MBTPS1: variants seen among roughly 807,000 people sequenced by gnomAD.
MBTPS1 encodes membrane-bound transcription factor site-1 protease.
In MBTPS1, 94 loss-of-function variants were observed where a neutral mutation model predicts 127.8. That is an observed-to-expected ratio of 0.74 (90% CI 0.62 to 0.87). MBTPS1 has a LOEUF of 0.87. Ranked by LOEUF, MBTPS1 falls within the 40% of genes least tolerant of loss-of-function variation. The pLI, the probability that MBTPS1 is intolerant of heterozygous loss-of-function variation, is 0.00. For missense variants in MBTPS1, 1,636 were observed against 1,353.2 expected, an observed-to-expected ratio of 1.21 and a Z score of -3.28; for synonymous variants, 632 against 509.4, an observed-to-expected ratio of 1.24 and a Z score of -3.24.
intron 1 of MBTPS1, among the ~76,000 whole-genome samples, chr16:84,114,057 G>A (rs2086435539): frequency 1.3e-5 from 2 of 150,590 alleles, no homozygotes; most frequent in Non-Finnish European, 3.0e-5. Flanking sequence ...CTCTGCCTCC[G>A]GGGTTCAAGC....
At chr16:84,084,387 T>A (rs1294812669) in intron 10 of MBTPS1, among the ~76,000 whole-genome samples, 1 of 152,192 alleles carries the variant, frequency 6.6e-6, no homozygotes, top group Non-Finnish European at 1.5e-5. Context: ...GGCTCTGACA[T>A]CCTTTGCTAT....
chr16:84,059,249 C>G, intron 21 of MBTPS1, 53 bp downstream of exon 21: 1 of 1,566,574 alleles, frequency 6.4e-7, no homozygotes, highest in Non-Finnish European at 8.7e-7. Flanking sequence ...ATAAGAAAAG[C>G]AATGACTCAC....
At chr16:84,066,639 G>A in intron 16 of MBTPS1, 26 bp from the exon 17 acceptor site, 2 of 1,612,270 alleles carry the variant, frequency 1.2e-6, no homozygotes, top group Non-Finnish European at 1.7e-6. Flanking sequence ...CAGACACACA[G>A]GGAACAGGGA....
chr16:84,070,181 T>C, intron 13 of MBTPS1, 143 bp from the exon 14 acceptor site: 1 of 710,754 alleles, frequency 1.4e-6, no homozygotes, highest in East Asian at 2.7e-5. Context: ...GATGAAAGAT[T>C]CATGTATCAT....
At position 84,095,660 on chromosome 16, in the gene MBTPS1, G is replaced by A; in HGVS notation, c.567C>T (p.Ile189=). The part of the protein sequence containing the change: ...RHSSRRLLRA[I]PRQVAQTLQA... ...GCAGTGTCTGGGCAACCTGGCGCGG[G>A]ATGGCTCTCAGCAGCCGTCTGCTCG... Residue 189 remains isoleucine, a synonymous_variant, in exon 4 of 23, where the codon ATC becomes ATT. Coordinates refer to ENST00000343411, the MANE Select transcript of MBTPS1 (RefSeq NM_003791.4). The A allele has an allele frequency of 6.2e-7, 1 of 1,614,236 alleles. No individual in the cohort carries two copies. Among genetic ancestry groups the A allele is most frequent in the Non-Finnish European group, 8.5e-7 (1 of 1,180,042 alleles).
intron 11 of MBTPS1, 137 bp downstream of exon 11, chr16:84,081,610 A>G (rs944211990): frequency 3.2e-6 from 2 of 631,706 alleles, no homozygotes; most frequent in Non-Finnish European, 2.4e-6. Flanking sequence ...AGCAGCAGCA[A>G]AACCTCTCCA....
intron 18 of MBTPS1, among the ~76,000 whole-genome samples, chr16:84,064,453 T>A (rs572991421): frequency 1.8e-4 from 28 of 152,280 alleles, no homozygotes; most frequent in Non-Finnish European, 3.5e-4. Context: ...AATTCTTATT[T>A]TGTACCCAAA....
chr16:84,091,671 A>T (rs1026634958), intron 7 of MBTPS1, 61 bp downstream of exon 7: 1 of 1,131,192 alleles, frequency 8.8e-7, no homozygotes, highest in African/African-American at 1.5e-5. Flanking sequence ...TATGATGCAA[A>T]GTTGGGCTGC....
At chr16:84,093,335 T>G (rs1281251282) in intron 5 of MBTPS1, 38 bp from the exon 6 acceptor site, 3 of 1,349,360 alleles carry the variant, frequency 2.2e-6, no homozygotes, top group Admixed American at 3.4e-5. Flanking sequence ...TAAAACACAC[T>G]GAATAGCAAG....
intron 8 of MBTPS1, among the ~76,000 whole-genome samples, chr16:84,089,899 G>T (rs1041716169): frequency 6.6e-6 from 1 of 152,204 alleles, no homozygotes; most frequent in Non-Finnish European, 1.5e-5. Flanking sequence ...AACACCTGAC[G>T]AGATGACTTA....
At chr16:84,112,648 C>A (rs886649930) in intron 1 of MBTPS1, among the ~76,000 whole-genome samples, 10 of 133,240 alleles carry the variant, frequency 7.5e-5, no homozygotes, top group Non-Finnish European at 1.2e-4. Context: ...GGCAACAGAG[C>A]GAGACTCGGT....
At chr16:84,069,655 A>C (rs1404694208) in intron 14 of MBTPS1, among the ~76,000 whole-genome samples, 1 of 152,224 alleles carries the variant, frequency 6.6e-6, no homozygotes, top group African/African-American at 2.4e-5. Flanking sequence ...AGAGAACTTC[A>C]AGCTTTTTAC....
chr16:84,105,849 G>A (rs2086316555), intron 1 of MBTPS1, among the ~76,000 whole-genome samples: 1 of 152,106 alleles, frequency 6.6e-6, no homozygotes, highest in Non-Finnish European at 1.5e-5. Flanking sequence ...TAAAAGCCAG[G>A]CACTGTTCTA....
In MBTPS1 at chr16:84,085,256, G is replaced by A. The variant is rs542735841; in HGVS notation, c.1135-122C>T. ...GTTAAAAACTGTATAACCTTAGGAAGGTACTGGTTTTAGTCTGAAATTCAC... is the reference window on the plus strand; with the variant it reads ...GTTAAAAACTGTATAACCTTAGGAAAGTACTGGTTTTAGTCTGAAATTCAC... On this transcript the variant is annotated intron_variant, in intron 9 of 22. Coordinates refer to ENST00000343411, the MANE Select transcript of MBTPS1 (RefSeq NM_003791.4). The A allele has an allele frequency of 1.8e-5, 18 of 999,974 alleles. No individual in the cohort carries two copies. In the African/African-American group the frequency reaches 2.9e-4, roughly 16 times the overall value. 61.9% of individuals were successfully genotyped at this position (999,974 alleles called of 1,614,324 possible).
At chr16:84,073,435 G>C (rs1416623074) in intron 12 of MBTPS1, among the ~76,000 whole-genome samples, 2 of 151,946 alleles carry the variant, frequency 1.3e-5, no homozygotes, top group African/African-American at 4.8e-5. Context: ...CCTGGCAGCT[G>C]AATTTTTCAA....
intron 18 of MBTPS1, among the ~76,000 whole-genome samples, chr16:84,063,700 T>A (rs2280022): frequency 6.6e-6 from 1 of 152,024 alleles, no homozygotes; most frequent in Non-Finnish European, 1.5e-5. Flanking sequence ...CATTTTTACT[T>A]GCCATGGCAG....
intron 17 of MBTPS1, 144 bp from the exon 18 acceptor site, chr16:84,065,911 G>A: frequency 1.9e-6 from 1 of 524,820 alleles, no homozygotes; most frequent in Non-Finnish European, 3.3e-6. Context: ...AGCTGCTATT[G>A]CCTTGTCACA....
At chr16:84,091,596 C>T (rs780128594) in intron 7 of MBTPS1, 136 bp downstream of exon 7, 53 of 649,414 alleles carry the variant, frequency 8.2e-5, no homozygotes, top group Non-Finnish European at 1.4e-4. Flanking sequence ...CTGAAGCTCA[C>T]GTCATTAGCC....
intron 21 of MBTPS1, among the ~76,000 whole-genome samples, chr16:84,058,757 G>C (rs1200761129): frequency 2.6e-5 from 4 of 152,184 alleles, no homozygotes; most frequent in Non-Finnish European, 5.9e-5. Context: ...AGCTGGAGAA[G>C]GGATCCAGGC....
Sources: allele counts gnomAD v4.1 joint callset (sites outside exome capture counted in the v4.1 genomes callset), GRCh38; gene constraint gnomAD v4.1.1; transcripts MANE v1.5; gene names NCBI Gene and HGNC (gene_info 2026-07-23, HGNC 2026-07-21).